The following TPD52L1 variants were observed in gnomAD, a reference collection of about 807,000 sequenced individuals.
TPD52L1 encodes the protein TPD52 like 1.
TPD52L1 carries 18 observed loss-of-function variants against 28.7 expected under a neutral mutation model. The ratio of observed to expected loss-of-function variants is 0.63; its 90% CI spans 0.43 to 0.93. TPD52L1 has a LOEUF of 0.93. Ranked by LOEUF, TPD52L1 falls within the 40% of genes least tolerant of loss-of-function variation. TPD52L1 has a pLI of 0.00. For synonymous variants in TPD52L1, 75 were observed against 88.8 expected, an observed-to-expected ratio of 0.84 and a Z score of 0.88; for missense variants, 203 against 254.8, an observed-to-expected ratio of 0.80 and a Z score of 1.39.
chr6:125,163,761 A>C (rs1790684443), intron 1 of TPD52L1, among the ~76,000 whole-genome samples: 1 of 151,352 alleles, frequency 6.6e-6, no homozygotes, highest in African/African-American at 2.4e-5. Context: ...CCCCCTCTCT[A>C]CTAAAAATAC....
rs573183190 is a variant in TPD52L1, at chr6:125,205,941, T to G, written c.20-14137T>G. ...CAGCCACAAATGTTTCTTTTGAGAC[T>G]AGAGTCCATTTTAATCAGCATCTAA... On this transcript the variant is annotated intron_variant, in intron 1 of 6. Coordinates refer to ENST00000534000, the MANE Select transcript of TPD52L1 (RefSeq NM_003287.4). Among the ~76,000 whole-genome samples the G allele has an allele frequency of 1.1e-4, 16 of 152,314 alleles. No individual in the cohort carries two copies. The East Asian group carries it at 2.5e-3, about 24-fold the overall frequency.
At chr6:125,160,753 T>A (rs1790464681) in intron 1 of TPD52L1, among the ~76,000 whole-genome samples, 1 of 152,228 alleles carries the variant, frequency 6.6e-6, no homozygotes, top group Admixed American at 6.5e-5. Context: ...TTTAGCCACT[T>A]TCATCAACTA....
chr6:125,224,950 T>A (rs186211535), intron 2 of TPD52L1, among the ~76,000 whole-genome samples: 1 of 152,360 alleles, frequency 6.6e-6, no homozygotes, highest in East Asian at 1.9e-4. Flanking sequence ...CAGTGTTGTG[T>A]TGTGTAACCA....
At chr6:125,256,201 A>G (rs564419254) in intron 5 of TPD52L1, among the ~76,000 whole-genome samples, 44 of 152,108 alleles carry the variant, frequency 2.9e-4, no homozygotes, top group Non-Finnish European at 5.3e-4. Context: ...TTCAAAAAAA[A>G]TAGCTGGATG....
At chr6:125,156,954 T>G (rs771932199) in intron 1 of TPD52L1, among the ~76,000 whole-genome samples, 1 of 152,252 alleles carries the variant, frequency 6.6e-6, no homozygotes, top group Non-Finnish European at 1.5e-5. Flanking sequence ...AGACTTTTTG[T>G]TATTTATAAA....
At chr6:125,163,876 C>A (rs2114748747) in intron 1 of TPD52L1, among the ~76,000 whole-genome samples, 1 of 143,550 alleles carries the variant, frequency 7.0e-6, no homozygotes, top group Non-Finnish European at 1.5e-5. Flanking sequence ...GAGATCATGT[C>A]ATTACACTCC....
intron 1 of TPD52L1, among the ~76,000 whole-genome samples, chr6:125,174,504 C>A (rs1302387708): frequency 6.6e-6 from 1 of 152,106 alleles, no homozygotes; most frequent in Non-Finnish European, 1.5e-5. Flanking sequence ...TCTGAAGCAT[C>A]AATTGTACCT....
At chr6:125,176,473 G>A (rs182879349) in intron 1 of TPD52L1, among the ~76,000 whole-genome samples, 9 of 152,088 alleles carry the variant, frequency 5.9e-5, no homozygotes, top group Non-Finnish European at 1.2e-4. Flanking sequence ...TAGCTTTGTT[G>A]AGAATTTGGG....
In TPD52L1 at chr6:125,221,295, G is replaced by A. The variant is rs144001354; in HGVS notation, c.135+1102G>A. ...GTCTGTCTGTGGCCACTGAGTGGCT[G>A]CACGTACCAGAGTGCACAGACCAAA... On this transcript the variant is annotated intron_variant, in intron 2 of 6. Transcript: ENST00000534000. 4.2e-3 allele frequency among the ~76,000 whole-genome samples: 634 copies of A among 152,302 alleles called. 4 individuals carry two copies. Among genetic ancestry groups the A allele is most frequent in the African/African-American group, 0.014 (578 of 41,556 alleles).
At chr6:125,159,787 A>G (rs1331953221) in intron 1 of TPD52L1, among the ~76,000 whole-genome samples, 1 of 151,184 alleles carries the variant, frequency 6.6e-6, no homozygotes, top group Non-Finnish European at 1.5e-5. Flanking sequence ...CGTGTGAGCA[A>G]TGTTAATCTC....
chr6:125,168,247 C>T (rs572456358), intron 1 of TPD52L1, among the ~76,000 whole-genome samples: 2 of 152,282 alleles, frequency 1.3e-5, no homozygotes, highest in South Asian at 4.1e-4. Context: ...CTTATTGTGA[C>T]ATCTGGCCTC....
intron 1 of TPD52L1, among the ~76,000 whole-genome samples, chr6:125,174,781 T>G (rs1374318144): frequency 2.0e-5 from 3 of 152,160 alleles, no homozygotes; most frequent in Admixed American, 2.0e-4. Context: ...CTATTTCCGG[T>G]CTCTTGTGGC....
chr6:125,251,345 A>C (rs1797252829), intron 4 of TPD52L1, among the ~76,000 whole-genome samples: 1 of 150,520 alleles, frequency 6.6e-6, no homozygotes, highest in South Asian at 2.1e-4. Context: ...CATTACCAGC[A>C]AAATTCAGAT....
intron 1 of TPD52L1, among the ~76,000 whole-genome samples, chr6:125,202,782 T>TTTTTTTTTTCTTTTTTCTTTTTTCCCAG (rs1793876811): frequency 6.7e-6 from 1 of 149,780 alleles, no homozygotes. Flanking sequence ...TTTTTTTTTT[T>TTTTTTTTTTCTTTTTTCTTTTTTCCCAG]GAGACGGAGC....
intron 1 of TPD52L1, among the ~76,000 whole-genome samples, chr6:125,180,575 C>T (rs1284615854): frequency 0.023 from 3,409 of 147,252 alleles, 119 homozygotes; most frequent in African/African-American, 0.076. Context: ...TATATACACA[C>T]ACACACACAC....
At chr6:125,248,996 T>A (rs1797089493) in intron 4 of TPD52L1, among the ~76,000 whole-genome samples, 1 of 152,090 alleles carries the variant, frequency 6.6e-6, no homozygotes, top group African/African-American at 2.4e-5. Context: ...TTTCATTATT[T>A]TCAATATTTC....
At position 125,202,455 on chromosome 6, in the gene TPD52L1, A is replaced by T. The variant is rs867746554; in HGVS notation, c.20-17623A>T. Reference sequence around the variant, plus strand: ...TCCCTCAGGAGTTGAAGGAGATAAGAAACTGGTCCCACAGCCCTCAACTCT... The same window carrying T: ...TCCCTCAGGAGTTGAAGGAGATAAGTAACTGGTCCCACAGCCCTCAACTCT... On this transcript the variant is annotated intron_variant, in intron 1 of 6. Coordinates refer to ENST00000534000, the MANE Select transcript of TPD52L1 (RefSeq NM_003287.4). 3.9e-5 allele frequency among the ~76,000 whole-genome samples: 6 copies of T among 152,264 alleles called. No homozygotes were observed. In the South Asian group the frequency reaches 1.2e-3, roughly 32 times the overall value.
rs1374854393 is a variant in TPD52L1 at position 125,170,742 on chromosome 6, A to G, written c.19+16772A>G. Among the ~76,000 whole-genome samples, 3 of 152,100 alleles carry G rather than the reference A, an allele frequency of 2.0e-5. No homozygotes were observed. In the South Asian group the frequency reaches 6.2e-4, roughly 32 times the overall value. On this transcript the variant is annotated intron_variant, in intron 1 of 6. Transcript: ENST00000534000. ...AATGTCTTGGCTTGCAAGTAGGGTA[A>G]AATTCTGACCCTTCTTATTTCTAAC...
At chr6:125,158,055 T>C (rs929055740) in intron 1 of TPD52L1, among the ~76,000 whole-genome samples, 3 of 152,180 alleles carry the variant, frequency 2.0e-5, no homozygotes, top group Non-Finnish European at 4.4e-5. Flanking sequence ...CTTTCTGTTC[T>C]GTTCGCATCA....
Sources: allele counts gnomAD v4.1 joint callset (sites outside exome capture counted in the v4.1 genomes callset), GRCh38; gene constraint gnomAD v4.1.1; transcripts MANE v1.5; gene names NCBI Gene and HGNC (gene_info 2026-07-23, HGNC 2026-07-21).